Variants in LRP1B observed in about 807,000 individuals in gnomAD.
LRP1B encodes low-density lipoprotein receptor-related protein 1B.
Under a neutral mutation model 556.6 loss-of-function variants are expected in LRP1B, and 217 were observed. The observed-to-expected ratio is 0.39, with a 90% CI of 0.35 to 0.44. LRP1B has a LOEUF of 0.44. Ranked by LOEUF, LRP1B falls within the 20% of genes least tolerant of loss-of-function variation. The probability of loss-of-function intolerance (pLI) is 1.00; values close to 1 mark genes in which losing one functional copy is unlikely to be tolerated. For synonymous variants in LRP1B, 2,047 were observed against 1,865.8 expected, an observed-to-expected ratio of 1.10 and a Z score of -2.50; for missense variants, 5,053 against 5,620.8, an observed-to-expected ratio of 0.90 and a Z score of 3.23.
intron 2 of LRP1B, among the ~76,000 whole-genome samples, chr2:141,789,456 G>T (rs535285459): frequency 5.9e-5 from 9 of 151,708 alleles, no homozygotes; most frequent in Non-Finnish European, 1.2e-4. Context: ...TTGTTTTATT[G>T]ACCATATTAA....
chr2:140,556,732 A>AT lies in LRP1B; in HGVS notation c.7195-14762dup, dbSNP rs776836759. Among the ~76,000 whole-genome samples the AT allele has an allele frequency of 1.2e-4, 14 of 113,310 alleles. No homozygotes were observed. The South Asian group carries it at 2.4e-3, about 19-fold the overall frequency. 74.3% of individuals were successfully genotyped at this position (113,310 alleles called of 152,430 possible). A position where few individuals can be genotyped will look rare whatever the true frequency, so the allele number is the denominator to read the frequency against. The stretch of plus-strand genomic sequence containing the variant: ...CATGATTGCCAACCAAAACAAACAA[A>AT]TTTAAAAAAAAAACAATTTTTTTTC... On this transcript the variant is annotated intron_variant, in intron 43 of 90. Transcript: ENST00000389484.
intron 3 of LRP1B, among the ~76,000 whole-genome samples, chr2:141,442,227 A>C (rs199989767): frequency 1.3e-5 from 2 of 152,192 alleles, no homozygotes; most frequent in African/African-American, 4.8e-5. Context: ...TATGTGGAAA[A>C]GTCTGTATTT....
chr2:141,843,770 A>T (rs1302147112), intron 1 of LRP1B, among the ~76,000 whole-genome samples: 3 of 152,170 alleles, frequency 2.0e-5, no homozygotes, highest in Admixed American at 2.0e-4. Flanking sequence ...ATTATTGCAC[A>T]GGGCCTTCTC....
At chr2:142,003,679 A>C (rs570404418) in intron 1 of LRP1B, among the ~76,000 whole-genome samples, 3 of 152,328 alleles carry the variant, frequency 2.0e-5, no homozygotes, top group African/African-American at 7.2e-5. Flanking sequence ...TGGAAGAACG[A>C]GGGTAGATGT....
chr2:140,880,840 T>C (rs1371106377), intron 25 of LRP1B, among the ~76,000 whole-genome samples: 1 of 152,186 alleles, frequency 6.6e-6, no homozygotes, highest in Non-Finnish European at 1.5e-5. Context: ...CTTGAGTTCC[T>C]GTAAGTTACA....
intron 66 of LRP1B, among the ~76,000 whole-genome samples, chr2:140,396,632 ATAGTAAC>A (rs1028256643): frequency 2.0e-4 from 30 of 152,230 alleles, no homozygotes; most frequent in Non-Finnish European, 3.1e-4. Flanking sequence ...GGTAAAACAA[ATAGTAAC>A]TAGTAAGAGT....
chr2:140,297,235 A>AT (rs1683645926), intron 84 of LRP1B, among the ~76,000 whole-genome samples: 1 of 152,162 alleles, frequency 6.6e-6, no homozygotes, highest in African/African-American at 2.4e-5. Context: ...GATGGTTTCT[A>AT]TTCATATAAA....
intron 1 of LRP1B, among the ~76,000 whole-genome samples, chr2:141,875,798 A>G (rs1258374909): frequency 6.6e-6 from 1 of 151,970 alleles, no homozygotes; most frequent in East Asian, 1.9e-4. Context: ...ATCAAGGTTC[A>G]TGTATCTCTA....
intron 3 of LRP1B, among the ~76,000 whole-genome samples, chr2:141,464,584 G>GTATATATATATATATATATATATATA (rs1236041290): frequency 4.0e-4 from 35 of 88,384 alleles, no homozygotes; most frequent in Admixed American, 1.2e-3. Flanking sequence ...GGCTAATTTT[G>GTATATATATATATATATATATATATA]TATATATATA....
Position 142,108,379 on chromosome 2 carries a change from G to A in LRP1B, c.82+22269C>T, listed in dbSNP as rs139784389. On this transcript the variant is annotated intron_variant, in intron 1 of 90. Coordinates refer to ENST00000389484, the MANE Select transcript of LRP1B (RefSeq NM_018557.3). The stretch of plus-strand genomic sequence containing the variant: ...AAAAATCTATAGGATCAGTCTTTTC[G>A]TGTTATCCACTAAGAGTGTAATTTG... 2.4e-3 allele frequency among the ~76,000 whole-genome samples: 362 copies of A among 151,684 alleles called. 1 individual carries two copies. The highest frequency in any genetic ancestry group is 2.8e-3 in the Non-Finnish European group (188 of 67,960).
chr2:140,670,139 G>A (rs1685427209), intron 41 of LRP1B, among the ~76,000 whole-genome samples: 1 of 152,110 alleles, frequency 6.6e-6, no homozygotes, highest in Admixed American at 6.5e-5. Context: ...ATGTAAGAAT[G>A]CATAACATAG....
At chr2:141,124,664 G>GAAAAAAAAAA (rs570765407) in intron 7 of LRP1B, among the ~76,000 whole-genome samples, 22 of 73,616 alleles carry the variant, frequency 3.0e-4, no homozygotes, top group African/African-American at 6.0e-4. Flanking sequence ...AGTGACAAAT[G>GAAAAAAAAAA]AAAAAAAAAA....
chr2:140,396,041 C>A (rs1387079930), intron 66 of LRP1B, among the ~76,000 whole-genome samples: 1 of 152,148 alleles, frequency 6.6e-6, no homozygotes, highest in Non-Finnish European at 1.5e-5. Context: ...CATCAGCCTG[C>A]AGTATTGACA....
At chr2:141,078,978 C>A (rs1699859353) in intron 7 of LRP1B, among the ~76,000 whole-genome samples, 1 of 152,098 alleles carries the variant, frequency 6.6e-6, no homozygotes, top group Non-Finnish European at 1.5e-5. Context: ...CAGGATCATG[C>A]TGATAAGTAA....
intron 3 of LRP1B, among the ~76,000 whole-genome samples, chr2:141,372,096 T>G (rs958660773): frequency 7.9e-5 from 12 of 152,152 alleles, no homozygotes; most frequent in African/African-American, 2.9e-4. Flanking sequence ...TATCAAATGC[T>G]TTTTCTGCAT....
chr2:141,219,275 T>A (rs946150605), intron 6 of LRP1B, among the ~76,000 whole-genome samples: 1 of 152,084 alleles, frequency 6.6e-6, no homozygotes, highest in Non-Finnish European at 1.5e-5. Flanking sequence ...GTTGGGGAGA[T>A]CGGGCAGTTT....
At position 140,526,262 on chromosome 2, in the gene LRP1B, T is replaced by C. The variant is rs1690429802; in HGVS notation, c.7851A>G (p.Ala2617=). The C allele has an allele frequency of 6.2e-7, 1 of 1,611,768 alleles. No individual in the cohort carries two copies. The highest frequency in any genetic ancestry group is 1.7e-5 in the Admixed American group (1 of 59,746). Residue 2617 remains alanine (A), a synonymous_variant, in exon 48 of 91, where the codon GCA becomes GCG. Coordinates refer to ENST00000389484, the MANE Select transcript of LRP1B (RefSeq NM_018557.3). ...TGCAGTTCTTTTCATCTGAAGCATCTGCACAATCTATGTTCTGGTTGCATC... is the reference window on the plus strand; with the variant it reads ...TGCAGTTCTTTTCATCTGAAGCATCCGCACAATCTATGTTCTGGTTGCATC... ...SARCNQNIDC[A]DASDEKNCNN...
intron 1 of LRP1B, among the ~76,000 whole-genome samples, chr2:141,906,768 G>A (rs1699771415): frequency 6.6e-6 from 1 of 152,044 alleles, no homozygotes; most frequent in African/African-American, 2.4e-5. Context: ...GTGTGTTTGT[G>A]TGTTAACTTT....
chr2:141,209,640 A>G (rs1682455976), intron 6 of LRP1B, among the ~76,000 whole-genome samples: 1 of 152,220 alleles, frequency 6.6e-6, no homozygotes, highest in South Asian at 2.1e-4. Context: ...TCATTTGCCC[A>G]TGAAATCCTT....
Sources: gnomAD v4.1 joint callset for allele counts (sites outside exome capture counted in the v4.1 genomes callset) on GRCh38, gnomAD v4.1.1 for gene constraint, MANE v1.5 for transcripts, NCBI Gene and HGNC (gene_info 2026-07-23, HGNC 2026-07-21) for gene names.